Variants in ROBO1 observed in about 807,000 individuals in gnomAD.
ROBO1 encodes the protein roundabout guidance receptor 1, also known as roundabout homolog 1.
In ROBO1, 149 loss-of-function variants were observed where a neutral mutation model predicts 195.9. The ratio of observed to expected loss-of-function variants is 0.76; its 90% confidence interval spans 0.67 to 0.87. The LOEUF (loss-of-function observed/expected upper bound fraction) is 0.87, where lower values mean the gene tolerates loss of function less well. Among genes scored for constraint, ROBO1 ranks in the 40% least tolerant of loss-of-function variants. The probability of loss-of-function intolerance (pLI) is 0.00; values close to 1 mark genes in which losing one functional copy is unlikely to be tolerated. For synonymous variants in ROBO1, 816 were observed against 733.2 expected, an observed-to-expected ratio of 1.11 and a Z score of -1.82; for missense variants, 1,933 against 2,068.3, an observed-to-expected ratio of 0.93 and a Z score of 1.27.
intron 3 of ROBO1, among the ~76,000 whole-genome samples, chr3:79,120,748 C>G (rs2080101824): frequency 6.6e-6 from 1 of 151,798 alleles, no homozygotes; most frequent in South Asian, 2.1e-4. Flanking sequence ...CTATTGACTC[C>G]AAAAAATAAT....
chr3:78,726,568 G>A (rs957821706), intron 5 of ROBO1, among the ~76,000 whole-genome samples: 8 of 152,132 alleles, frequency 5.3e-5, no homozygotes, highest in Non-Finnish European at 8.8e-5. Context: ...ATAGTCTAGC[G>A]TATCATCCTT....
At chr3:79,570,835 C>A (rs566476146) in intron 2 of ROBO1, among the ~76,000 whole-genome samples, 1 of 152,076 alleles carries the variant, frequency 6.6e-6, no homozygotes, top group African/African-American at 2.4e-5. Context: ...AATTTAGAAA[C>A]TTTTGAATCA....
At chr3:78,743,262 C>T (rs1385865281) in intron 5 of ROBO1, among the ~76,000 whole-genome samples, 2 of 151,942 alleles carry the variant, frequency 1.3e-5, no homozygotes, top group African/African-American at 4.8e-5. Flanking sequence ...TCCCCTGAAA[C>T]GGCTCTTGTC....
intron 2 of ROBO1, among the ~76,000 whole-genome samples, chr3:79,434,710 TG>T (rs1255107752): frequency 6.6e-6 from 1 of 152,192 alleles, no homozygotes; most frequent in East Asian, 1.9e-4. Flanking sequence ...ATCCCATTAC[TG>T]GGTATATACC....
chr3:79,226,432 A>G (rs2082228253), intron 2 of ROBO1, among the ~76,000 whole-genome samples: 1 of 152,026 alleles, frequency 6.6e-6, no homozygotes, highest in Admixed American at 6.6e-5. Context: ...CCTGTAAACA[A>G]CTTCCATTTC....
intron 5 of ROBO1, among the ~76,000 whole-genome samples, chr3:78,718,395 C>A (rs999922986): frequency 3.3e-5 from 5 of 152,000 alleles, no homozygotes. Context: ...ATCTTCATTG[C>A]GAAAACATAG....
chr3:78,926,846 C>T (rs1286214618), intron 4 of ROBO1, among the ~76,000 whole-genome samples: 3 of 152,092 alleles, frequency 2.0e-5, no homozygotes, highest in African/African-American at 7.2e-5. Flanking sequence ...TCATATAAAG[C>T]CACTATACAT....
At chr3:79,562,276 G>GCACA (rs749202794) in intron 2 of ROBO1, among the ~76,000 whole-genome samples, 3 of 151,180 alleles carry the variant, frequency 2.0e-5, no homozygotes, top group African/African-American at 7.3e-5. Context: ...AACACTATGT[G>GCACA]CACACACACA....
chr3:79,123,167 A>T (rs961211626), intron 3 of ROBO1, among the ~76,000 whole-genome samples: 6 of 151,950 alleles, frequency 3.9e-5, no homozygotes, highest in Non-Finnish European at 7.4e-5. Flanking sequence ...ATTAAACTCC[A>T]GATATACCAA....
At chr3:79,699,449 C>A (rs1947548222) in intron 1 of ROBO1, among the ~76,000 whole-genome samples, 1 of 151,438 alleles carries the variant, frequency 6.6e-6, no homozygotes, top group Admixed American at 6.6e-5. Flanking sequence ...CATTCTAAAT[C>A]AAATTGATAA....
chr3:78,690,236 A>G (rs1244880304), intron 8 of ROBO1, among the ~76,000 whole-genome samples: 1 of 151,596 alleles, frequency 6.6e-6, no homozygotes, highest in Non-Finnish European at 1.5e-5. Flanking sequence ...GAAGAAAGTA[A>G]TTAGAACTCC....
In ROBO1 at chr3:79,635,964, C is replaced by G. The variant is rs142322289; in HGVS notation, c.-50-46003G>C. Among the ~76,000 whole-genome samples the G allele has an allele frequency of 1.6e-4, 24 of 152,102 alleles. No individual in the cohort carries two copies. The East Asian group carries it at 4.6e-3, about 29-fold the overall frequency. ...CTACCTAATATAGACTGTTAGTTCCCATATATTTTTCTTTCACTTACTTTT... is the reference window on the plus strand; with the variant it reads ...CTACCTAATATAGACTGTTAGTTCCGATATATTTTTCTTTCACTTACTTTT... On this transcript the variant is annotated intron_variant, in intron 1 of 30. Transcript: ENST00000464233.
chr3:79,082,073 AC>A lies in ROBO1; in HGVS notation c.172+43382del, dbSNP rs1397711034. ...AAAGAAAATATTACCTAGAAAGCTA[AC>A]TTTAAAGTGTCCTTATAAATTCAAA... On this transcript the variant is annotated intron_variant, in intron 3 of 30. Coordinates refer to ENST00000464233, the MANE Select transcript of ROBO1 (RefSeq NM_002941.4). Among the ~76,000 whole-genome samples the A allele has an allele frequency of 2.0e-5, 3 of 152,168 alleles. No individual in the cohort carries two copies. The East Asian group carries it at 5.8e-4, about 29-fold the overall frequency.
intron 3 of ROBO1, among the ~76,000 whole-genome samples, chr3:79,003,173 A>G (rs2077544048): frequency 6.6e-6 from 1 of 152,172 alleles, no homozygotes; most frequent in Non-Finnish European, 1.5e-5. Flanking sequence ...TTGCTGGGAT[A>G]GAAATGGCCA....
chr3:78,657,657 T>C (rs1707122340), intron 17 of ROBO1, among the ~76,000 whole-genome samples: 1 of 152,224 alleles, frequency 6.6e-6, no homozygotes, highest in African/African-American at 2.4e-5. Context: ...AGAATAATAC[T>C]CATTCAACAT....
chr3:79,446,587 ATC>A (rs1219342679), intron 2 of ROBO1, among the ~76,000 whole-genome samples: 8 of 152,156 alleles, frequency 5.3e-5, no homozygotes, highest in African/African-American at 1.9e-4. Flanking sequence ...TTTGGGGAAC[ATC>A]TGTTTATTTT....
intron 2 of ROBO1, among the ~76,000 whole-genome samples, chr3:79,143,016 G>C (rs897865248): frequency 5.9e-5 from 9 of 152,076 alleles, no homozygotes; most frequent in Non-Finnish European, 1.0e-4. Context: ...AACCGTAAAA[G>C]TGTAATACGG....
intron 3 of ROBO1, among the ~76,000 whole-genome samples, chr3:79,049,302 T>C (rs149954818): frequency 1.3e-5 from 2 of 152,056 alleles, no homozygotes; most frequent in Non-Finnish European, 2.9e-5. Context: ...ATATCAGTGA[T>C]TGAAGATCAA....
intron 8 of ROBO1, among the ~76,000 whole-genome samples, chr3:78,701,459 A>G (rs756484401): frequency 2.0e-5 from 3 of 152,196 alleles, no homozygotes. Flanking sequence ...AATGCTTTAT[A>G]AGCCCCCATC....
Sources: gnomAD v4.1 joint callset for allele counts (sites outside exome capture counted in the v4.1 genomes callset) on GRCh38, gnomAD v4.1.1 for gene constraint, MANE v1.5 for transcripts, NCBI Gene and HGNC (gene_info 2026-07-23, HGNC 2026-07-21) for gene names.